Variants in RAC2 observed in about 807,000 individuals in gnomAD.
RAC2 encodes ras-related C3 botulinum toxin substrate 2.
Under a neutral mutation model 24.0 loss-of-function variants are expected in RAC2, and 1 was observed. The observed-to-expected ratio is 0.04, with a 90% confidence interval of 0.01 to 0.20. The LOEUF (loss-of-function observed/expected upper bound fraction) is 0.20. Ranked by LOEUF, RAC2 falls within the 10% of genes least tolerant of loss-of-function variation. The pLI is 1.00. For missense variants in RAC2, 130 were observed against 259.1 expected (o/e 0.50, Z 3.42); for synonymous variants, 114 against 106.8 (o/e 1.07, Z -0.41).
At chr22:37,241,467 G>T in intron 2 of RAC2, 120 bp downstream of exon 2, 3 of 1,090,112 alleles carry the variant, frequency 2.8e-6, no homozygotes, top group East Asian at 2.4e-5. Flanking sequence ...CAGCTCCACT[G>T]GGCTGGAGGC....
chr22:37,228,869 G>A (rs564879886), intron 5 of RAC2, among the ~76,000 whole-genome samples: 24 of 152,336 alleles, frequency 1.6e-4, no homozygotes, highest in East Asian at 3.9e-4. Context: ...CATGCTGGGC[G>A]TCTCCCCTCT....
Position 37,231,079 on chromosome 22 carries a change from G to A in RAC2, c.448+152C>T, listed in dbSNP as rs183863405. 2.4e-4 allele frequency: 217 copies of A among 890,736 alleles called. 1 individual carries two copies. The East Asian group carries it at 3.6e-3, about 15-fold the overall frequency. 55.2% of individuals were successfully genotyped at this position (890,736 alleles called of 1,614,324 possible). A position where few individuals can be genotyped will look rare whatever the true frequency, so the allele number is the denominator to read the frequency against. On this transcript the variant is annotated intron_variant, in intron 5 of 6. Transcript: ENST00000249071. The surrounding 1 kb of genome is among the most constrained non-coding windows in gnomAD (Gnocchi z 5.5). ...GGAAACACAGGCAGAGAGAGGCTAC[G>A]TGACTCGCCCAAGGTCACACAGCAA...
At chr22:37,230,679 C>T (rs1438843041) in intron 5 of RAC2, among the ~76,000 whole-genome samples, 1 of 152,014 alleles carries the variant, frequency 6.6e-6, no homozygotes, top group Admixed American at 6.6e-5. Flanking sequence ...AAAGAGGGGT[C>T]GAGCTGAGAA....
intron 5 of RAC2, among the ~76,000 whole-genome samples, chr22:37,228,493 AT>A (rs1926954957): frequency 6.6e-6 from 1 of 152,214 alleles, no homozygotes; most frequent in Admixed American, 6.5e-5. Context: ...CTGGGGGCCG[AT>A]GTCAGAACCA....
rs1927117375 is a variant in RAC2 at position 37,232,997 on chromosome 22, T to C, written c.108-79A>G. On this transcript the variant is annotated intron_variant, in intron 2 of 6. Transcript: ENST00000249071. ...GGAATTGTGGTCCAGCTCCATGTCA[T>C]TCCTCGGAGGCTGAGACCTAGAGAC... The C allele has an allele frequency of 2.8e-6, 3 of 1,078,020 alleles. No individual in the cohort carries two copies. The East Asian group carries it at 7.2e-5, about 26-fold the overall frequency. The allele number at this position is 1,078,020 out of a possible 1,614,324, so 66.8% of individuals were successfully genotyped here.
chr22:37,227,517 ACCCCTCCCACGCCATACAC>A (rs1453506183), intron 5 of RAC2, among the ~76,000 whole-genome samples: 21 of 39,442 alleles, frequency 5.3e-4, no homozygotes, highest in African/African-American at 1.8e-3. Context: ...CATGCCATAC[ACCCCTCCCACGCCATACAC>A]CCCCTCCCAC....
intron 5 of RAC2, among the ~76,000 whole-genome samples, chr22:37,230,278 TG>T (rs1405296087): frequency 4.8e-5 from 1 of 21,020 alleles, no homozygotes; most frequent in East Asian, 8.8e-4. Flanking sequence ...GGGGCGGGGC[TG>T]GGGCGGTGGG....
chr22:37,231,435 G>A lies in RAC2; in HGVS notation c.289-45C>T. 3 of 1,589,600 alleles carry A rather than the reference G, an allele frequency of 1.9e-6. No individual in the cohort carries two copies. Among genetic ancestry groups the A allele is most frequent in the African/African-American group, 1.3e-5 (1 of 74,570 alleles). ...GACACAAGGTTGTATGGGTCAAGAG[G>A]GGGCGCGAGGCTGTGCGGGGATCAG... On this transcript the variant is annotated intron_variant, in intron 4 of 6. Transcript: ENST00000249071. This position sits in a 1 kb window ranked among gnomAD's most constrained non-coding sequence, Gnocchi z 5.5.
intron 2 of RAC2, among the ~76,000 whole-genome samples, chr22:37,236,603 G>A (rs1273587063): frequency 1.3e-5 from 2 of 152,182 alleles, no homozygotes; most frequent in African/African-American, 2.4e-5. Flanking sequence ...TTCATCTAGT[G>A]CCTGTAGAAC....
chr22:37,230,173 G>A (rs1601670908), intron 5 of RAC2, among the ~76,000 whole-genome samples: 1 of 151,938 alleles, frequency 6.6e-6, no homozygotes. Flanking sequence ...GTGTCACCAC[G>A]CTAGTCACAG....
intron 2 of RAC2, among the ~76,000 whole-genome samples, chr22:37,234,628 C>T (rs1054729810): frequency 1.3e-5 from 2 of 152,176 alleles, no homozygotes; most frequent in African/African-American, 4.8e-5. Context: ...CCCTCGCACA[C>T]CAGCCAAGCC....
At chr22:37,232,193 G>A (rs1038946394) in intron 3 of RAC2, among the ~76,000 whole-genome samples, 199 bp from the exon 4 acceptor site, 1 of 152,198 alleles carries the variant, frequency 6.6e-6, no homozygotes, top group Admixed American at 6.5e-5. Flanking sequence ...CTCACTAAAG[G>A]CCAGGGCCTC....
Position 37,244,237 on chromosome 22 carries a change from G to T in RAC2, c.-89C>A. ...CAAGGGGTGTGGAGGCTGGTGAGGC[G>T]CCTGCTGAGGAGCAGCGGTGGTGGG... is the stretch of plus-strand genomic sequence containing the variant. On this transcript the variant is annotated 5_prime_UTR_variant, in exon 1 of 7. Transcript: ENST00000249071. The T allele has an allele frequency of 6.9e-7, 1 of 1,445,350 alleles. No homozygotes were observed. The highest frequency in any genetic ancestry group is 9.6e-7 in the Non-Finnish European group (1 of 1,042,474). 89.5% of individuals were successfully genotyped at this position (1,445,350 alleles called of 1,614,324 possible). A position where few individuals can be genotyped will look rare whatever the true frequency, so the allele number is the denominator to read the frequency against.
intron 5 of RAC2, among the ~76,000 whole-genome samples, chr22:37,229,302 G>A (rs1440874818): frequency 6.6e-6 from 1 of 152,174 alleles, no homozygotes; most frequent in Non-Finnish European, 1.5e-5. Flanking sequence ...GGGTGAGGGG[G>A]CGGTGGGGGC....
intron 3 of RAC2, 155 bp downstream of exon 3, chr22:37,232,646 C>T (rs1326876906): frequency 1.5e-6 from 1 of 676,534 alleles, no homozygotes; most frequent in Non-Finnish European, 2.7e-6. Flanking sequence ...GGAAGCCCTT[C>T]TCTGCCTGGG....
intron 2 of RAC2, among the ~76,000 whole-genome samples, chr22:37,235,859 G>C (rs1179263642): frequency 6.6e-6 from 1 of 152,212 alleles, no homozygotes; most frequent in African/African-American, 2.4e-5. Context: ...CGGTGATGGG[G>C]AAAGAGCTGG....
rs555895499 is a variant in RAC2, at chr22:37,241,687, C to G, written c.36-29G>C. The G allele has an allele frequency of 3.1e-6, 5 of 1,592,912 alleles. No individual in the cohort carries two copies. In the South Asian group the frequency reaches 4.4e-5, roughly 14 times the overall value. The stretch of plus-strand genomic sequence containing the variant: ...AAAGACAGGAAGTGCAAGAGGGCGG[C>G]GGTCATGGGCTCTGCCGGAGACGTG... On this transcript the variant is annotated intron_variant, in intron 1 of 6. Transcript: ENST00000249071.
chr22:37,230,438 G>A (rs940811622), intron 5 of RAC2, among the ~76,000 whole-genome samples: 1 of 151,832 alleles, frequency 6.6e-6, no homozygotes, highest in Non-Finnish European at 1.5e-5. Flanking sequence ...AGACACATTG[G>A]GACCTACCAG....
Position 37,232,808 on chromosome 22 carries a change from G to A in RAC2, c.218C>T (p.Pro73Leu). ...CAGGTGGGAGCAGCACACCGTCTGT[G>A]GATAGGAGAGCGGCCGGAGACGGTC... ...DYDRLRPLSYPQTDVFLICFS... is the reference protein window; with the variant it reads ...DYDRLRPLSYLQTDVFLICFS... The change falls in exon 3 of 7, where the codon CCA becomes CTA. Residue 73 changes from proline (P) to leucine (L), a missense_variant. Pro to Leu is a moderately conservative substitution (Grantham distance 98, BLOSUM62 -3). Around this residue, in one of 2 missense-constraint regions of RAC2, gnomAD observed 119 missense variants for 192.1 expected, o/e 0.62. Coordinates refer to ENST00000249071, the MANE Select transcript of RAC2 (RefSeq NM_002872.5). The A allele has an allele frequency of 6.2e-7, 1 of 1,612,682 alleles. No homozygotes were observed. The highest frequency in any genetic ancestry group is 8.5e-7 in the Non-Finnish European group (1 of 1,178,874).
Sources: allele counts gnomAD v4.1 joint callset (sites outside exome capture counted in the v4.1 genomes callset), GRCh38; gene constraint gnomAD v4.1.1; regional missense constraint gnomAD v4.1.1; non-coding constraint Gnocchi (gnomAD v3.1); transcripts MANE v1.5; gene names NCBI Gene and HGNC (gene_info 2026-07-23, HGNC 2026-07-21).